The following CSMD1 variants were observed in gnomAD, a reference collection of about 807,000 sequenced individuals.
CSMD1 encodes CUB and Sushi multiple domains 1, also known as CUB and sushi domain-containing protein 1.
In CSMD1, 213 loss-of-function variants were observed where a neutral mutation model predicts 417.5. The ratio of observed to expected loss-of-function variants is 0.51; its 90% CI spans 0.46 to 0.57. The LOEUF (loss-of-function observed/expected upper bound fraction) is 0.57. CSMD1 is among the 20% of genes least tolerant of loss of function. CSMD1 has a pLI of 0.00. For missense variants in CSMD1, 6,923 were observed against 4,529.7 expected (o/e 1.53, Z -15.17); for synonymous variants, 2,862 against 1,736.8 (o/e 1.65, Z -16.11).
At chr8:3,810,610 T>C (rs1801014190) in intron 5 of CSMD1, among the ~76,000 whole-genome samples, 1 of 152,210 alleles carries the variant, frequency 6.6e-6, no homozygotes, top group South Asian at 2.1e-4. Flanking sequence ...CCCTTGTCAC[T>C]GGTGACTCAT....
intron 23 of CSMD1, among the ~76,000 whole-genome samples, chr8:3,329,181 G>A (rs1806731215): frequency 1.3e-5 from 2 of 152,148 alleles, no homozygotes; most frequent in African/African-American, 2.4e-5. Flanking sequence ...AGAGGGCATT[G>A]AAAAATGACC....
intron 1 of CSMD1, among the ~76,000 whole-genome samples, chr8:4,704,989 G>A (rs898166773): frequency 3.3e-5 from 5 of 152,182 alleles, no homozygotes; most frequent in Non-Finnish European, 7.3e-5. Context: ...ATCCCTACAC[G>A]TGTTGAGGAA....
At chr8:4,448,577 G>C (rs1024341651) in intron 2 of CSMD1, among the ~76,000 whole-genome samples, 1 of 152,138 alleles carries the variant, frequency 6.6e-6, no homozygotes, top group African/African-American at 2.4e-5. Context: ...TTTCCTTCCT[G>C]TATTGTGCAA....
At chr8:4,337,028 A>G (rs1352265580) in intron 3 of CSMD1, among the ~76,000 whole-genome samples, 1 of 152,084 alleles carries the variant, frequency 6.6e-6, no homozygotes, top group African/African-American at 2.4e-5. Context: ...ATCTGCAATT[A>G]TAAACTGAAT....
At chr8:3,221,581 C>T (rs1029015223) in intron 28 of CSMD1, among the ~76,000 whole-genome samples, 1 of 151,902 alleles carries the variant, frequency 6.6e-6, no homozygotes, top group Middle Eastern at 3.4e-3. Context: ...CCCATCTGCT[C>T]TCTTTTTTTT....
rs547142942 is a variant in CSMD1 at position 3,663,611 on chromosome 8, T to C, written c.1009+44803A>G. Among the ~76,000 whole-genome samples, 23 of 152,302 alleles carry C rather than the reference T, an allele frequency of 1.5e-4. No homozygotes were observed. In the South Asian group the frequency reaches 2.5e-3, roughly 16 times the overall value. On this transcript the variant is annotated intron_variant, in intron 7 of 69. Transcript: ENST00000635120. ...CTCACTGAGATAAACCCATATCTGA[T>C]TGCCTCCTTTGGAAAGACTAATCAG... is the stretch of plus-strand genomic sequence containing the variant.
At chr8:4,886,635 T>C (rs977552523) in intron 1 of CSMD1, among the ~76,000 whole-genome samples, 20 of 152,174 alleles carry the variant, frequency 1.3e-4, no homozygotes, top group African/African-American at 4.6e-4. Context: ...GGGGTTTCCA[T>C]TGTGAGTAGA....
At chr8:2,972,911 G>A (rs1049259743) in intron 57 of CSMD1, among the ~76,000 whole-genome samples, 5 of 152,182 alleles carry the variant, frequency 3.3e-5, no homozygotes, top group Non-Finnish European at 7.3e-5. Flanking sequence ...ATAAGCATCC[G>A]TGTGATGGGA....
intron 16 of CSMD1, among the ~76,000 whole-genome samples, chr8:3,398,843 A>AT (rs1663880520): frequency 6.6e-6 from 1 of 152,148 alleles, no homozygotes; most frequent in African/African-American, 2.4e-5. Flanking sequence ...CAGCATGCTT[A>AT]TTTTTTAGAT....
At position 3,001,409 on chromosome 8, in the gene CSMD1, G is replaced by C. The variant is rs1281995853; in HGVS notation, c.8030-1278C>G. ...CTCCCTTCCTCGCATATATGGAAAG[G>C]GTATTCTTATTAAATTAACAAAATA... On this transcript the variant is annotated intron_variant, in intron 52 of 69. Transcript: ENST00000635120. Among the ~76,000 whole-genome samples, 5 of 151,852 alleles carry C rather than the reference G, an allele frequency of 3.3e-5. 1 individual carries two copies. The highest frequency in any genetic ancestry group is 1.2e-4 in the African/African-American group (5 of 41,312).
chr8:3,923,000 T>A (rs1361079808), intron 5 of CSMD1, among the ~76,000 whole-genome samples: 2 of 152,158 alleles, frequency 1.3e-5, no homozygotes, highest in East Asian at 1.9e-4. Context: ...TCTATTTCCA[T>A]CTATTCTTAT....
chr8:4,706,379 G>A (rs188760679), intron 1 of CSMD1, among the ~76,000 whole-genome samples: 14 of 152,078 alleles, frequency 9.2e-5, no homozygotes, highest in African/African-American at 2.4e-4. Context: ...ATTAGACTAC[G>A]TTATCTGCAG....
chr8:3,795,090 T>TAC (rs1176302644), intron 5 of CSMD1, among the ~76,000 whole-genome samples: 1 of 110,056 alleles, frequency 9.1e-6, no homozygotes, highest in African/African-American at 3.2e-5. Context: ...CAGCTATAGA[T>TAC]ATATATCTAT....
At position 2,943,268 on chromosome 8, in the gene CSMD1, C is replaced by A. The variant is rs181309363; in HGVS notation, c.10403-664G>T. Among the ~76,000 whole-genome samples the A allele has an allele frequency of 2.6e-5, 4 of 151,084 alleles. No homozygotes were observed. The East Asian group carries it at 7.8e-4, about 29-fold the overall frequency. On this transcript the variant is annotated intron_variant, in intron 68 of 69. Transcript: ENST00000635120. ...TCTGAGACAGAGTCTCACCCTGTTG[C>A]CCAGGCTGGAGTGCAGTGGAGTGAT...
rs142654632 is a variant in CSMD1, at chr8:4,860,848, C to T, written c.85+133484G>A. 6.7e-3 allele frequency among the ~76,000 whole-genome samples: 1,021 copies of T among 152,152 alleles called. 6 individuals carry two copies. The highest frequency in any genetic ancestry group is 0.014 in the Middle Eastern group (4 of 294). On this transcript the variant is annotated intron_variant, in intron 1 of 69. Coordinates refer to ENST00000635120, the MANE Select transcript of CSMD1 (RefSeq NM_033225.6). ...CCCCAACACAGCATAATTATTTCTG[C>T]GTAAAAACGTTCACATCCCTGCTTC...
At chr8:4,423,249 C>G (rs1366555817) in intron 2 of CSMD1, among the ~76,000 whole-genome samples, 1 of 151,890 alleles carries the variant, frequency 6.6e-6, no homozygotes, top group Non-Finnish European at 1.5e-5. Context: ...GCGTATGGGT[C>G]AGATAGGAAT....
rs192385148 is a variant in CSMD1, at chr8:4,550,509, G to A, written c.302+86833C>T. On this transcript the variant is annotated intron_variant, in intron 2 of 69. Transcript: ENST00000635120. ...GCTTATTCTCTATCTTTAACTGTGC[G>A]GAAGCTGTTAACCAAAAACTCCTAT... Among the ~76,000 whole-genome samples the A allele has an allele frequency of 1.1e-3, 163 of 151,974 alleles. 1 individual carries two copies. The highest frequency in any genetic ancestry group is 1.7e-3 in the Non-Finnish European group (118 of 67,984).
In CSMD1 at chr8:3,206,312, C is replaced by A. The variant is rs185505773; in HGVS notation, c.4868-692G>T. On this transcript the variant is annotated intron_variant, in intron 30 of 69. Transcript: ENST00000635120. ...GTGTGTGTGTGGGGTGTGTGTGTAT[C>A]TGTGTGTGTGGTATGTGTGTATGTG... Among the ~76,000 whole-genome samples, 261 of 95,516 alleles carry A rather than the reference C, an allele frequency of 2.7e-3. 4 individuals carry two copies. Among genetic ancestry groups the A allele is most frequent in the African/African-American group, 0.01 (240 of 23,002 alleles). 62.7% of individuals were successfully genotyped at this position (95,516 alleles called of 152,430 possible).
chr8:3,274,328 G>A (rs1021548164), intron 26 of CSMD1, among the ~76,000 whole-genome samples: 5 of 152,158 alleles, frequency 3.3e-5, no homozygotes, highest in African/African-American at 1.2e-4. Context: ...TATATTTGCT[G>A]AGGAGTGCTT....
Sources: gnomAD v4.1 joint callset for allele counts (sites outside exome capture counted in the v4.1 genomes callset) on GRCh38, gnomAD v4.1.1 for gene constraint, MANE v1.5 for transcripts, NCBI Gene and HGNC (gene_info 2026-07-23, HGNC 2026-07-21) for gene names.